The following ARK2N variants were observed in gnomAD, a reference collection of about 807,000 sequenced individuals.
ARK2N encodes the protein arkadia (RNF111) N-terminal like PKA signaling regulator 2N.
the ARK2N span, among the ~76,000 whole-genome samples, chr18:46,225,971 G>A: frequency 6.6e-6 from 1 of 152,244 alleles, no homozygotes; most frequent in East Asian, 1.9e-4. Context: ...AAATTTTAGT[G>A]AACCCAAATA....
At chr18:46,239,620 A>T in the ARK2N span, among the ~76,000 whole-genome samples, 1 of 152,220 alleles carries the variant, frequency 6.6e-6, no homozygotes, top group African/African-American at 2.4e-5. Context: ...CTTTTAAAAA[A>T]TATAAATTGG....
the ARK2N span, among the ~76,000 whole-genome samples, chr18:46,262,647 C>T: frequency 0.011 from 1,743 of 152,234 alleles, 60 homozygotes; most frequent in East Asian, 0.12. Flanking sequence ...TCCAGAGAAA[C>T]ATCCTGTCAC....
chr18:46,184,744 C>T, the ARK2N span, among the ~76,000 whole-genome samples: 2 of 151,992 alleles, frequency 1.3e-5, no homozygotes, highest in African/African-American at 4.8e-5. Flanking sequence ...ACAACAACAA[C>T]AAAGATTTAG....
At chr18:46,191,108 C>T in the ARK2N span, among the ~76,000 whole-genome samples, 6 of 152,026 alleles carry the variant, frequency 3.9e-5, no homozygotes, top group East Asian at 1.2e-3. Flanking sequence ...TTCAGCCAGG[C>T]TTTCCTCTCA....
At chr18:46,208,464 C>CTTTTTTT in the ARK2N span, among the ~76,000 whole-genome samples, 19 of 68,380 alleles carry the variant, frequency 2.8e-4, no homozygotes, top group African/African-American at 5.4e-4. Flanking sequence ...GTTCTTAAAT[C>CTTTTTTT]TTTTTTTTTT....
the ARK2N span, among the ~76,000 whole-genome samples, chr18:46,254,016 GT>G: frequency 1.3e-5 from 2 of 152,284 alleles, no homozygotes; most frequent in South Asian, 4.1e-4. Context: ...GTTATATATT[GT>G]CTCATATCAA....
At chr18:46,198,390 GA>G in the ARK2N span, among the ~76,000 whole-genome samples, 1 of 146,246 alleles carries the variant, frequency 6.8e-6, no homozygotes, top group Non-Finnish European at 1.5e-5. Context: ...ATGCAGTTTT[GA>G]AAGATTTTTA....
the ARK2N span, among the ~76,000 whole-genome samples, chr18:46,229,709 C>T: frequency 1.3e-5 from 2 of 151,846 alleles, no homozygotes; most frequent in Non-Finnish European, 2.9e-5. Flanking sequence ...CTCAACCTCC[C>T]AGGCTCAAGT....
chr18:46,175,210 T>C, the ARK2N span, among the ~76,000 whole-genome samples: 1 of 149,816 alleles, frequency 6.7e-6, no homozygotes, highest in Admixed American at 6.7e-5. Context: ...ACCAGATCCT[T>C]GAGCAGTTTC....
At chr18:46,207,388 C>CTTTTTTT in the ARK2N span, among the ~76,000 whole-genome samples, 1 of 115,906 alleles carries the variant, frequency 8.6e-6, no homozygotes, top group African/African-American at 3.2e-5. Flanking sequence ...AGTTTCTATA[C>CTTTTTTT]TTTTTTTTTT....
chr18:46,245,546 G>A, the ARK2N span, among the ~76,000 whole-genome samples: 1 of 150,142 alleles, frequency 6.7e-6, no homozygotes, highest in African/African-American at 2.5e-5. Flanking sequence ...TCTCCAGCCT[G>A]GGTGACAGAG....
the ARK2N span, chr18:46,240,193 T>G: frequency 6.2e-7 from 1 of 1,613,968 alleles, no homozygotes; most frequent in Non-Finnish European, 8.5e-7. Context: ...GGCAGGTTGG[T>G]CTTCCCCATC....
the ARK2N span, among the ~76,000 whole-genome samples, chr18:46,206,345 C>T: frequency 1.3e-5 from 2 of 152,064 alleles, no homozygotes; most frequent in Non-Finnish European, 2.9e-5. Flanking sequence ...CTCTACCTCC[C>T]AAAGTGCCGG....
the ARK2N span, among the ~76,000 whole-genome samples, chr18:46,182,216 T>A: frequency 0.35 from 52,829 of 152,076 alleles, 10,417 homozygotes; most frequent in East Asian, 0.54. Flanking sequence ...TAGCATAGAA[T>A]CATAGCTTGT....
At chr18:46,216,416 A>G in the ARK2N span, 2 of 1,614,136 alleles carry the variant, frequency 1.2e-6, no homozygotes, top group Non-Finnish European at 1.7e-6. The surrounding 1 kb of genome is among the most constrained non-coding windows in gnomAD (Gnocchi z 4.3). Flanking sequence ...AGCCAAAAGC[A>G]CAAGGAGAGG....
the ARK2N span, chr18:46,240,216 C>T: frequency 5.4e-5 from 87 of 1,611,584 alleles, no homozygotes; most frequent in Admixed American, 1.2e-4. Flanking sequence ...CCTTCTCTAA[C>T]GGTGTAATAT....
chr18:46,191,949 G>A, the ARK2N span, among the ~76,000 whole-genome samples: 1 of 152,286 alleles, frequency 6.6e-6, no homozygotes, highest in East Asian at 1.9e-4. Flanking sequence ...TTCACTTTGT[G>A]ATAGTATTCA....
the ARK2N span, among the ~76,000 whole-genome samples, chr18:46,210,079 G>C: frequency 7.2e-5 from 11 of 152,226 alleles, no homozygotes; most frequent in Admixed American, 6.5e-4. Context: ...CTCTCATAAA[G>C]AGAACATATT....
chr18:46,195,549 C>A, the ARK2N span, among the ~76,000 whole-genome samples: 1 of 144,878 alleles, frequency 6.9e-6, no homozygotes, highest in East Asian at 2.1e-4. Flanking sequence ...CGCCTTGCAT[C>A]CCACATAAAC....
Sources: gnomAD v4.1 joint callset for allele counts (sites outside exome capture counted in the v4.1 genomes callset) on GRCh38, gnomAD v4.1.1 for gene constraint, Gnocchi (gnomAD v3.1) non-coding constraint, MANE v1.5 for transcripts, NCBI Gene and HGNC (gene_info 2026-07-23, HGNC 2026-07-21) for gene names.